The following GATAD2B variants were observed in gnomAD, a reference collection of about 807,000 sequenced individuals.
GATAD2B encodes the protein GATA zinc finger domain containing 2B.
Under a neutral mutation model 64.3 loss-of-function variants are expected in GATAD2B, and 8 were observed. The ratio of observed to expected loss-of-function variants is 0.12; its 90% CI spans 0.07 to 0.22. The LOEUF (loss-of-function observed/expected upper bound fraction) is 0.22. GATAD2B is among the 10% of genes least tolerant of loss of function. The probability of loss-of-function intolerance (pLI) is 1.00; values close to 1 mark genes in which losing one functional copy is unlikely to be tolerated. For missense variants in GATAD2B, 453 were observed against 752.0 expected (o/e 0.60, Z 4.65); for synonymous variants, 281 against 271.3 (o/e 1.04, Z -0.35).
chr1:153,860,932 A>ACCGC (rs1676259173), intron 1 of GATAD2B, among the ~76,000 whole-genome samples: 1 of 152,202 alleles, frequency 6.6e-6, no homozygotes. Context: ...CACGGGGCCC[A>ACCGC]GCCCATTTTC....
At chr1:153,812,190 CTTT>C (rs11264420) in intron 8 of GATAD2B, 58 bp from the exon 9 acceptor site, 6,587 of 602,000 alleles carry the variant, frequency 0.011, no homozygotes, top group South Asian at 0.017. Flanking sequence ...ACCCAATTTC[CTTT>C]TTTTTTTTTT....
intron 1 of GATAD2B, among the ~76,000 whole-genome samples, chr1:153,907,715 T>C (rs1196912036): frequency 1.3e-5 from 2 of 151,634 alleles, no homozygotes; most frequent in Admixed American, 6.6e-5. Context: ...CTCGGCTCAC[T>C]GCAACCTCTG....
At chr1:153,844,421 T>TTAAAAAAA (rs1557798966) in intron 1 of GATAD2B, among the ~76,000 whole-genome samples, 2 of 80,278 alleles carry the variant, frequency 2.5e-5, no homozygotes, top group Non-Finnish European at 2.7e-5. Context: ...TAACAAATTA[T>TTAAAAAAA]AAAAAAAAAA....
intron 1 of GATAD2B, among the ~76,000 whole-genome samples, chr1:153,866,822 G>T (rs940128414): frequency 6.6e-6 from 1 of 152,022 alleles, no homozygotes; most frequent in Non-Finnish European, 1.5e-5. Context: ...TTGCTCTGTC[G>T]CCAGGCTGGA....
intron 1 of GATAD2B, among the ~76,000 whole-genome samples, chr1:153,912,005 C>T (rs936115338): frequency 1.3e-5 from 2 of 152,114 alleles, no homozygotes; most frequent in African/African-American, 4.8e-5. Flanking sequence ...CTGTAATTAT[C>T]AAGTATTCGC....
rs368676576 is a variant in GATAD2B at position 153,818,844 on chromosome 1, G to A, written c.544C>T (p.Leu182=). The A allele has an allele frequency of 4.3e-4, 694 of 1,613,384 alleles. 2 individuals carry two copies. Among genetic ancestry groups the A allele is most frequent in the Non-Finnish European group, 5.7e-4 (675 of 1,179,868 alleles). ...TGACTCTGTCTCAGTTTCTTTAACA[G>A]GACCAGTCGGGCTTCTTCCAATCGT... ...ELRLEEARLV[L]LKKLRQSQLQ... is the part of the protein sequence containing the mutation. Residue 182 remains leucine (L), a synonymous_variant, in exon 4 of 11, where the codon CTG becomes TTG. Coordinates refer to ENST00000368655, the MANE Select transcript of GATAD2B (RefSeq NM_020699.4).
intron 1 of GATAD2B, among the ~76,000 whole-genome samples, chr1:153,871,356 C>T (rs1003430212): frequency 1.6e-4 from 24 of 151,216 alleles, no homozygotes; most frequent in African/African-American, 5.1e-4. Flanking sequence ...TGAGCGACCA[C>T]ACCCGGCCAC....
At chr1:153,845,611 A>G (rs1468069553) in intron 1 of GATAD2B, among the ~76,000 whole-genome samples, 1 of 134,066 alleles carries the variant, frequency 7.5e-6, no homozygotes, top group Non-Finnish European at 1.6e-5. Context: ...CAGGTGTGGT[A>G]GTGCACGCCT....
At chr1:153,874,104 A>C (rs979766195) in intron 1 of GATAD2B, among the ~76,000 whole-genome samples, 21 of 151,338 alleles carry the variant, frequency 1.4e-4, no homozygotes, top group Non-Finnish European at 5.9e-5. Flanking sequence ...TCTACTAAAA[A>C]TACAAAAATT....
chr1:153,821,855 T>C (rs561568825), intron 2 of GATAD2B, among the ~76,000 whole-genome samples: 1 of 151,666 alleles, frequency 6.6e-6, no homozygotes, highest in Non-Finnish European at 1.5e-5. Flanking sequence ...CATGAGCGAC[T>C]GTGCCCGGCC....
At chr1:153,858,394 C>T (rs1009242335) in intron 1 of GATAD2B, among the ~76,000 whole-genome samples, 3 of 152,004 alleles carry the variant, frequency 2.0e-5, no homozygotes, top group African/African-American at 7.3e-5. Context: ...CTACAAAAAA[C>T]ACGAGTTCAA....
intron 1 of GATAD2B, among the ~76,000 whole-genome samples, chr1:153,915,495 T>C (rs557602599): frequency 1.3e-5 from 2 of 152,142 alleles, no homozygotes; most frequent in South Asian, 2.1e-4. Context: ...TAACTCTCTT[T>C]GGGCAAGTCA....
At position 153,807,438 on chromosome 1, in the gene GATAD2B, G is replaced by A. The variant is rs1380520353; in HGVS notation, c.*2739C>T. 1 of 152,156 alleles carries A rather than the reference G, an allele frequency of 6.6e-6. No individual in the cohort carries two copies. The highest frequency in any genetic ancestry group is 1.9e-4 in the East Asian group (1 of 5,188). 9.4% of individuals were successfully genotyped at this position (152,156 alleles called of 1,614,324 possible). A position where few individuals can be genotyped will look rare whatever the true frequency, so the allele number is the denominator to read the frequency against. On this transcript the variant is annotated 3_prime_UTR_variant, in exon 11 of 11. Coordinates refer to ENST00000368655, the MANE Select transcript of GATAD2B (RefSeq NM_020699.4). ...GTTAACACTTTACCATGATTAGGGA[G>A]ACCTCACCTCCATCACTAATCCCTG...
chr1:153,815,005 C>T (rs1674404888), intron 7 of GATAD2B, among the ~76,000 whole-genome samples: 1 of 133,988 alleles, frequency 7.5e-6, no homozygotes, highest in African/African-American at 2.8e-5. Context: ...TGCTTGAAAC[C>T]AAGAGGCAGA....
intron 7 of GATAD2B, among the ~76,000 whole-genome samples, chr1:153,815,741 G>C (rs1570926764): frequency 1.3e-5 from 2 of 152,144 alleles, no homozygotes; most frequent in South Asian, 4.1e-4. Context: ...TAGATAGATA[G>C]ATACATAGGC....
intron 1 of GATAD2B, among the ~76,000 whole-genome samples, chr1:153,899,965 G>T (rs532927569): frequency 6.6e-6 from 1 of 152,112 alleles, no homozygotes; most frequent in South Asian, 2.1e-4. Flanking sequence ...CTGGAAGGCT[G>T]GTTATCATAG....
At chr1:153,921,606 A>G (rs1201747643) in intron 1 of GATAD2B, among the ~76,000 whole-genome samples, 1 of 151,350 alleles carries the variant, frequency 6.6e-6, no homozygotes, top group Admixed American at 6.6e-5. Flanking sequence ...ACACACACAC[A>G]CGCACACACA....
At position 153,867,838 on chromosome 1, in the gene GATAD2B, C is replaced by T. The variant is rs1291801952; in HGVS notation, c.-1-39490G>A. Among the ~76,000 whole-genome samples, 9 of 151,146 alleles carry T rather than the reference C, an allele frequency of 6.0e-5. No individual in the cohort carries two copies. The East Asian group carries it at 1.4e-3, about 23-fold the overall frequency. ...CGGTGCCACTGCACTCCATCCTTGG[C>T]GACAGAGTGAGACTCCGTCTCAAAA... On this transcript the variant is annotated intron_variant, in intron 1 of 10. Coordinates refer to ENST00000368655, the MANE Select transcript of GATAD2B (RefSeq NM_020699.4).
At position 153,814,913 on chromosome 1, in the gene GATAD2B, T is replaced by A. The variant is rs564388368; in HGVS notation, c.1216+1360A>T. ...ATTGCTTGAACCCAGGAGGTGGAGG[T>A]TGCAGTGAGCTGAGATCATGCCATT... On this transcript the variant is annotated intron_variant, in intron 7 of 10. Coordinates refer to ENST00000368655, the MANE Select transcript of GATAD2B (RefSeq NM_020699.4). 2.7e-5 allele frequency among the ~76,000 whole-genome samples: 4 copies of A among 147,706 alleles called. No homozygotes were observed. In the South Asian group the frequency reaches 6.5e-4, roughly 24 times the overall value.
Sources: gnomAD v4.1 joint callset for allele counts (sites outside exome capture counted in the v4.1 genomes callset) on GRCh38, gnomAD v4.1.1 for gene constraint, MANE v1.5 for transcripts, NCBI Gene and HGNC (gene_info 2026-07-23, HGNC 2026-07-21) for gene names.